Variants in ANKS1B observed in about 807,000 individuals in gnomAD.
ANKS1B encodes ankyrin repeat and sterile alpha motif domain containing 1B.
Under a neutral mutation model 148.3 loss-of-function variants are expected in ANKS1B, and 36 were observed. The ratio of observed to expected loss-of-function variants is 0.24; its 90% confidence interval spans 0.19 to 0.32. The LOEUF (loss-of-function observed/expected upper bound fraction) is 0.32. Ranked by LOEUF, ANKS1B falls within the 10% of genes least tolerant of loss-of-function variation. ANKS1B has a pLI of 1.00. For synonymous variants in ANKS1B, 542 were observed against 560.8 expected (o/e 0.97, Z 0.47); for missense variants, 1,157 against 1,542.6 (o/e 0.75, Z 4.19).
chr12:99,473,206 T>G (rs1451793299), intron 10 of ANKS1B, among the ~76,000 whole-genome samples: 1 of 152,020 alleles, frequency 6.6e-6, no homozygotes, highest in Non-Finnish European at 1.5e-5. Flanking sequence ...GTGTTTTAAA[T>G]TTACATTAAT....
chr12:98,974,764 T>A (rs2099889856), intron 17 of ANKS1B, among the ~76,000 whole-genome samples: 1 of 152,078 alleles, frequency 6.6e-6, no homozygotes, highest in Admixed American at 6.6e-5. Flanking sequence ...CCAGTAGTCA[T>A]CCTGAGCAAG....
rs2087240150 is a variant in ANKS1B at position 99,849,135 on chromosome 12, T to C, written c.135-23746A>G. ...GATGGATTCATTCATATCCCAAACCTCAGAATCATGCAATATATCTGCATA... is the reference window on the plus strand; with the variant it reads ...GATGGATTCATTCATATCCCAAACCCCAGAATCATGCAATATATCTGCATA... On this transcript the variant is annotated intron_variant, in intron 1 of 26. Transcript: ENST00000683438. 2.0e-5 allele frequency among the ~76,000 whole-genome samples: 3 copies of C among 151,862 alleles called. No homozygotes were observed. In the South Asian group the frequency reaches 6.2e-4, roughly 32 times the overall value.
chr12:99,065,504 A>C (rs1326326027), intron 16 of ANKS1B, among the ~76,000 whole-genome samples: 3 of 152,150 alleles, frequency 2.0e-5, no homozygotes, highest in African/African-American at 7.2e-5. Flanking sequence ...GCAGTACAAA[A>C]TATGTCATTC....
chr12:99,585,165 C>T (rs2097618150), intron 9 of ANKS1B, among the ~76,000 whole-genome samples: 1 of 152,120 alleles, frequency 6.6e-6, no homozygotes, highest in South Asian at 2.1e-4. Flanking sequence ...TTAGTTACTT[C>T]CTAGATACAA....
intron 1 of ANKS1B, among the ~76,000 whole-genome samples, chr12:99,855,515 G>C (rs897731356): frequency 8.6e-5 from 13 of 152,038 alleles, no homozygotes; most frequent in Admixed American, 8.5e-4. Flanking sequence ...AAGACAAAAA[G>C]TCAACAAATA....
chr12:99,348,639 C>T (rs139668954), intron 12 of ANKS1B, among the ~76,000 whole-genome samples: 2 of 151,920 alleles, frequency 1.3e-5, no homozygotes, highest in Non-Finnish European at 2.9e-5. Flanking sequence ...AGTGAAATGA[C>T]TTATTTAAAT....
chr12:99,892,989 T>A (rs1298867652), intron 1 of ANKS1B, among the ~76,000 whole-genome samples: 2 of 152,144 alleles, frequency 1.3e-5, no homozygotes, highest in Admixed American at 1.3e-4. Context: ...CCATGTCTGC[T>A]CACTCCACAG....
chr12:99,271,314 CT>C, intron 12 of ANKS1B, among the ~76,000 whole-genome samples: 1 of 152,192 alleles, frequency 6.6e-6, no homozygotes, highest in Non-Finnish European at 1.5e-5. Context: ...TTCATGAAGC[CT>C]TTGTTGTTTG....
intron 1 of ANKS1B, among the ~76,000 whole-genome samples, chr12:99,831,954 T>G (rs1055632047): frequency 2.0e-5 from 3 of 152,164 alleles, no homozygotes; most frequent in Admixed American, 6.5e-5. Flanking sequence ...CTAATAAATA[T>G]TTGAAAATAT....
chr12:98,980,193 G>T (rs2099907193), intron 17 of ANKS1B, among the ~76,000 whole-genome samples: 2 of 151,894 alleles, frequency 1.3e-5, no homozygotes, highest in South Asian at 4.1e-4. Context: ...CTTGCAAATA[G>T]GTTTTTTTGT....
At chr12:99,944,889 G>A (rs151254736) in intron 1 of ANKS1B, among the ~76,000 whole-genome samples, 1 of 152,256 alleles carries the variant, frequency 6.6e-6, no homozygotes, top group Non-Finnish European at 1.5e-5. Context: ...CCTTTAAGCT[G>A]ACTTTGGAGA....
intron 1 of ANKS1B, among the ~76,000 whole-genome samples, chr12:99,864,549 T>C (rs2090484833): frequency 6.6e-6 from 1 of 152,132 alleles, no homozygotes; most frequent in Admixed American, 6.6e-5. Flanking sequence ...CTAGATAGTA[T>C]GATACAAAGA....
chr12:98,915,753 T>C (rs1322571974), intron 17 of ANKS1B, among the ~76,000 whole-genome samples: 2 of 152,186 alleles, frequency 1.3e-5, no homozygotes, highest in Admixed American at 1.3e-4. Flanking sequence ...GAAAAATGTA[T>C]GGGTGAATAA....
intron 17 of ANKS1B, among the ~76,000 whole-genome samples, chr12:98,922,736 C>T (rs967392925): frequency 3.3e-5 from 5 of 152,024 alleles, no homozygotes; most frequent in South Asian, 2.1e-4. Context: ...CGACCTCAGG[C>T]GATCCACCCA....
At chr12:99,417,268 G>C (rs932801736) in intron 11 of ANKS1B, among the ~76,000 whole-genome samples, 1 of 152,032 alleles carries the variant, frequency 6.6e-6, no homozygotes, top group African/African-American at 2.4e-5. Context: ...TTCAACTTGT[G>C]GCCTGTGTAT....
At position 99,010,910 on chromosome 12, in the gene ANKS1B, T is replaced by G. The variant is rs561708593; in HGVS notation, c.2778+42247A>C. ...ACAGGTGTGAGCTTTTGTTTTTTTTTTTTTTTTTTTTTAATAGAAACAGGG... is the reference window on the plus strand; with the variant it reads ...ACAGGTGTGAGCTTTTGTTTTTTTTGTTTTTTTTTTTTAATAGAAACAGGG... On this transcript the variant is annotated intron_variant, in intron 17 of 26. Transcript: ENST00000683438. Among the ~76,000 whole-genome samples, 52 of 149,900 alleles carry G rather than the reference T, an allele frequency of 3.5e-4. No individual in the cohort carries two copies. The East Asian group carries it at 7.8e-3, about 22-fold the overall frequency.
At chr12:98,839,535 C>T (rs983390519) in intron 17 of ANKS1B, among the ~76,000 whole-genome samples, 1 of 152,138 alleles carries the variant, frequency 6.6e-6, no homozygotes, top group African/African-American at 2.4e-5. Flanking sequence ...AACTAAGGTA[C>T]TAACTAAGGT....
chr12:99,795,953 A>G (rs1209369654), intron 4 of ANKS1B, among the ~76,000 whole-genome samples: 1 of 152,004 alleles, frequency 6.6e-6, no homozygotes, highest in Admixed American at 6.6e-5. Context: ...CTTACCATAG[A>G]TCTTAGCAAC....
chr12:99,356,680 G>C (rs761440820), intron 12 of ANKS1B, among the ~76,000 whole-genome samples: 4 of 152,098 alleles, frequency 2.6e-5, no homozygotes, highest in Non-Finnish European at 5.9e-5. Context: ...GGGCCATCTG[G>C]TTCAATTTCC....
Sources: gnomAD v4.1 joint callset for allele counts (sites outside exome capture counted in the v4.1 genomes callset) on GRCh38, gnomAD v4.1.1 for gene constraint, MANE v1.5 for transcripts, NCBI Gene and HGNC (gene_info 2026-07-23, HGNC 2026-07-21) for gene names.